OR2M3: variants seen among roughly 807,000 people sequenced by gnomAD.
OR2M3 encodes the protein olfactory receptor 2M3.
Under a neutral mutation model 4.3 loss-of-function variants are expected in OR2M3, and 1 was observed. The observed-to-expected ratio is 0.23, with a 90% CI of 0.08 to 1.11. The LOEUF (loss-of-function observed/expected upper bound fraction) is 1.11. Ranked by LOEUF, OR2M3 falls within the 50% of genes most tolerant of loss-of-function variation. OR2M3 has a pLI of 0.54. For synonymous variants in OR2M3, 151 were observed against 139.4 expected (o/e 1.08, Z -0.59); for missense variants, 410 against 390.4 (o/e 1.05, Z -0.42).
At position 248,203,465 on chromosome 1, in the gene OR2M3, C is replaced by G. The variant is rs1300655285; in HGVS notation, c.398C>G (p.Thr133Ser). 6.2e-7 allele frequency: 1 copy of G among 1,613,762 alleles called. No homozygotes were observed. Among genetic ancestry groups the G allele is most frequent in the African/African-American group, 1.3e-5 (1 of 74,868 alleles). Residue 133 changes from threonine to serine, a missense_variant, in exon 2 of 2, where the codon ACC (threonine) becomes AGC (serine). Transcript: ENST00000641626. ...YTAICHPLRY[T>S]NLMSPKICGL... The stretch of plus-strand genomic sequence containing the variant: ...GCCATTTGCCACCCTCTAAGATACA[C>G]CAATCTCATGAGCCCTAAAATTTGT...
rs569400268 is a variant in OR2M3 at position 248,204,652 on chromosome 1, C to A, written c.*646C>A. 6.7e-6 allele frequency: 1 copy of A among 150,178 alleles called. No individual in the cohort carries two copies. The highest frequency in any genetic ancestry group is 6.7e-5 in the Admixed American group (1 of 14,976). The allele number at this position is 150,178 out of a possible 1,614,324, so 9.3% of individuals were successfully genotyped here. On this transcript the variant is annotated 3_prime_UTR_variant, in exon 2 of 2. Coordinates refer to ENST00000641626, the MANE Select transcript of OR2M3 (RefSeq NM_001004689.2). ...ATATACGTATATATATACACACACA[C>A]ATATATATATATAACCTTTTCTTTA...
chr1:248,204,964 A>G lies in OR2M3; in HGVS notation c.*958A>G, dbSNP rs1666209584. ...AGCATCTATTATTGTTTGATTGATT[A>G]TGGCCATTCTTGCAGAAGTGAGGTG... On this transcript the variant is annotated 3_prime_UTR_variant, in exon 2 of 2. Transcript: ENST00000641626. The G allele has an allele frequency of 6.6e-6, 1 of 151,996 alleles. No individual in the cohort carries two copies. The highest frequency in any genetic ancestry group is 2.4e-5 in the African/African-American group (1 of 41,388). The allele number at this position is 151,996 out of a possible 1,614,324, so 9.4% of individuals were successfully genotyped here.
At chr1:248,202,993 T>C (rs1666174076) in intron 1 of OR2M3, 57 bp from the exon 2 acceptor site, 2 of 1,452,036 alleles carry the variant, frequency 1.4e-6, no homozygotes, top group Non-Finnish European at 1.9e-6. Flanking sequence ...AATCACATGA[T>C]TTATAAGGCA....
rs1666205636 is a variant in OR2M3 at position 248,204,646 on chromosome 1, C to G, written c.*640C>G. ...ATATATATATACGTATATATATACACACACACATATATATATATAACCTTT... is the reference window on the plus strand; with the variant it reads ...ATATATATATACGTATATATATACAGACACACATATATATATATAACCTTT... On this transcript the variant is annotated 3_prime_UTR_variant, in exon 2 of 2. Transcript: ENST00000641626. 6.6e-6 allele frequency: 1 copy of G among 151,086 alleles called. No individual in the cohort carries two copies. The highest frequency in any genetic ancestry group is 2.1e-4 in the South Asian group (1 of 4,816). 9.4% of individuals were successfully genotyped at this position (151,086 alleles called of 1,614,324 possible). A position where few individuals can be genotyped will look rare whatever the true frequency, so the allele number is the denominator to read the frequency against.
At position 248,203,043 on chromosome 1, in the gene OR2M3, G is replaced by C. The variant is rs1014890592; in HGVS notation, c.-18-7G>C. The stretch of plus-strand genomic sequence containing the variant: ...ACCAAATTAATACGCTGGTTTTGTG[G>C]TACTAGGTAAAAAGCATACACATCA... On this transcript the variant is annotated splice_polypyrimidine_tract_variant and splice_region_variant and intron_variant, in intron 1 of 1. Transcript: ENST00000641626. 6.3e-7 allele frequency: 1 copy of C among 1,589,660 alleles called. No individual in the cohort carries two copies. The highest frequency in any genetic ancestry group is 8.6e-7 in the Non-Finnish European group (1 of 1,167,418).
At position 248,209,307 on chromosome 1, in the gene OR2M3, T is replaced by C. The variant is rs982861914; in HGVS notation, c.*5301T>C. Reference sequence around the variant, plus strand: ...TTAGCTTAATAATTGGCAATACTTTTTCTGGCAATTCAGAGATTTCCTCTT... The same window carrying C: ...TTAGCTTAATAATTGGCAATACTTTCTCTGGCAATTCAGAGATTTCCTCTT... On this transcript the variant is annotated 3_prime_UTR_variant, in exon 2 of 2. Coordinates refer to ENST00000641626, the MANE Select transcript of OR2M3 (RefSeq NM_001004689.2). The C allele has an allele frequency of 6.6e-6, 1 of 152,216 alleles. No individual in the cohort carries two copies. Among genetic ancestry groups the C allele is most frequent in the Non-Finnish European group, 1.5e-5 (1 of 68,032 alleles). 9.4% of individuals were successfully genotyped at this position (152,216 alleles called of 1,614,324 possible). A position where few individuals can be genotyped will look rare whatever the true frequency, so the allele number is the denominator to read the frequency against.
At chr1:248,201,086 C>T (rs1666151911) in intron 1 of OR2M3, among the ~76,000 whole-genome samples, 1 of 152,136 alleles carries the variant, frequency 6.6e-6, no homozygotes, top group Non-Finnish European at 1.5e-5. Flanking sequence ...GATAATCTCC[C>T]TTCACATATT....
At position 248,211,530 on chromosome 1, in the gene OR2M3, T is replaced by A. The variant is rs1453023709; in HGVS notation, c.*7524T>A. ...TATATTTTTACATAATAGTAATTTT[T>A]TTTTTTTTTTAATTACAGAGTCTCG... On this transcript the variant is annotated 3_prime_UTR_variant, in exon 2 of 2. Transcript: ENST00000641626. 6.6e-6 allele frequency: 1 copy of A among 151,936 alleles called. No individual in the cohort carries two copies. The highest frequency in any genetic ancestry group is 1.5e-5 in the Non-Finnish European group (1 of 67,998). 9.4% of individuals were successfully genotyped at this position (151,936 alleles called of 1,614,324 possible).
chr1:248,200,410 A>G (rs1178932362), intron 1 of OR2M3, among the ~76,000 whole-genome samples: 1 of 152,064 alleles, frequency 6.6e-6, no homozygotes, highest in East Asian at 1.9e-4. Flanking sequence ...CCTCTTGAAG[A>G]CAACACAAGG....
Position 248,202,930 on chromosome 1 carries a change from G to A in OR2M3, c.-18-120G>A, listed in dbSNP as rs1456453991. 20 of 869,980 alleles carry A rather than the reference G, an allele frequency of 2.3e-5. No individual in the cohort carries two copies. The East Asian group carries it at 4.9e-4, about 21-fold the overall frequency. The allele number at this position is 869,980 out of a possible 1,614,324, so 53.9% of individuals were successfully genotyped here. ...AGATTCTATATTTCTTGACCTTTTAGTTTCCTACTTCTATTCATGCTGTAT... is the reference window on the plus strand; with the variant it reads ...AGATTCTATATTTCTTGACCTTTTAATTTCCTACTTCTATTCATGCTGTAT... On this transcript the variant is annotated intron_variant, in intron 1 of 1. Transcript: ENST00000641626.
At chr1:248,200,034 T>G (rs1465479167) in intron 1 of OR2M3, among the ~76,000 whole-genome samples, 1 of 152,118 alleles carries the variant, frequency 6.6e-6, no homozygotes, top group Non-Finnish European at 1.5e-5. Flanking sequence ...ACATTTTATG[T>G]CAATTTGGTG....
In OR2M3 at chr1:248,202,268, C is replaced by T. The variant is rs576141955; in HGVS notation, c.-18-782C>T. Reference sequence around the variant, plus strand: ...GCACCACTCTAATCCCTGCCTCCCCCATCACACGGTAATCCCCAGTGTCTC... The same window carrying T: ...GCACCACTCTAATCCCTGCCTCCCCTATCACACGGTAATCCCCAGTGTCTC... On this transcript the variant is annotated intron_variant, in intron 1 of 1. Transcript: ENST00000641626. 2.3e-3 allele frequency among the ~76,000 whole-genome samples: 280 copies of T among 119,754 alleles called. 1 individual carries two copies. Among genetic ancestry groups the T allele is most frequent in the African/African-American group, 7.6e-3 (271 of 35,730 alleles). The allele number at this position is 119,754 out of a possible 152,430, so 78.6% of individuals were successfully genotyped here. A position where few individuals can be genotyped will look rare whatever the true frequency, so the allele number is the denominator to read the frequency against.
rs1666290655 is a variant in OR2M3, at chr1:248,212,328, C to A, written c.*8322C>A. 1 of 151,888 alleles carries A rather than the reference C, an allele frequency of 6.6e-6. No individual in the cohort carries two copies. The highest frequency in any genetic ancestry group is 1.5e-5 in the Non-Finnish European group (1 of 67,910). The allele number at this position is 151,888 out of a possible 1,614,324, so 9.4% of individuals were successfully genotyped here. A position where few individuals can be genotyped will look rare whatever the true frequency, so the allele number is the denominator to read the frequency against. On this transcript the variant is annotated 3_prime_UTR_variant, in exon 2 of 2. Coordinates refer to ENST00000641626, the MANE Select transcript of OR2M3 (RefSeq NM_001004689.2). Reference sequence around the variant, plus strand: ...AGAAAGAAAGAAAATATTCAATAATCCTTATCTTTTTAACAATTAAGCAAA... The same window carrying A: ...AGAAAGAAAGAAAATATTCAATAATACTTATCTTTTTAACAATTAAGCAAA...
chr1:248,203,983 G>A lies in OR2M3; in HGVS notation c.916G>A (p.Gly306Arg). The change falls in exon 2 of 2, where the codon GGA becomes AGA. Residue 306 changes from glycine to arginine, a missense_variant. Transcript: ENST00000641626. ...EVTRAFMKIL[G>R]KGKSGE ...GACCAGAGCATTCATGAAGATCTTA[G>A]GAAAGGGCAAGTCTGGAGAGTGAGT... The A allele has an allele frequency of 6.2e-7, 1 of 1,613,812 alleles. No individual in the cohort carries two copies. The highest frequency in any genetic ancestry group is 8.5e-7 in the Non-Finnish European group (1 of 1,179,870).
intron 1 of OR2M3, among the ~76,000 whole-genome samples, chr1:248,198,366 C>T (rs980632685): frequency 2.6e-5 from 4 of 152,130 alleles, no homozygotes; most frequent in African/African-American, 9.7e-5. Context: ...TTGTGAGACT[C>T]ATCAATGCTA....
chr1:248,206,103 G>T lies in OR2M3; in HGVS notation c.*2097G>T, dbSNP rs1425307456. On this transcript the variant is annotated 3_prime_UTR_variant, in exon 2 of 2. Coordinates refer to ENST00000641626, the MANE Select transcript of OR2M3 (RefSeq NM_001004689.2). ...TGAGTTCTTGATTTGATTCTCAGCT[G>T]GTTGCCATTAGTATATAGCAGAGCT... 6.6e-6 allele frequency: 1 copy of T among 151,840 alleles called. No individual in the cohort carries two copies. Among genetic ancestry groups the T allele is most frequent in the Non-Finnish European group, 1.5e-5 (1 of 67,892 alleles). The allele number at this position is 151,840 out of a possible 1,614,324, so 9.4% of individuals were successfully genotyped here. A position where few individuals can be genotyped will look rare whatever the true frequency, so the allele number is the denominator to read the frequency against.
At chr1:248,201,802 G>C (rs1044584285) in intron 1 of OR2M3, among the ~76,000 whole-genome samples, 2 of 152,034 alleles carry the variant, frequency 1.3e-5, no homozygotes, top group Non-Finnish European at 2.9e-5. Flanking sequence ...TGCATAGAAT[G>C]ATGAGGCTGC....
At position 248,209,205 on chromosome 1, in the gene OR2M3, G is replaced by T. The variant is rs1009344147; in HGVS notation, c.*5199G>T. Reference sequence around the variant, plus strand: ...TATTTATGCTGTTTATTTCACTGAAGAATTTTTCTTTTATTTTCTGTATCA... The same window carrying T: ...TATTTATGCTGTTTATTTCACTGAATAATTTTTCTTTTATTTTCTGTATCA... On this transcript the variant is annotated 3_prime_UTR_variant, in exon 2 of 2. Transcript: ENST00000641626. The T allele has an allele frequency of 3.3e-5, 5 of 152,030 alleles. No individual in the cohort carries two copies. Among genetic ancestry groups the T allele is most frequent in the Admixed American group, 3.3e-4 (5 of 15,262 alleles). 9.4% of individuals were successfully genotyped at this position (152,030 alleles called of 1,614,324 possible). A position where few individuals can be genotyped will look rare whatever the true frequency, so the allele number is the denominator to read the frequency against.
intron 1 of OR2M3, among the ~76,000 whole-genome samples, chr1:248,201,687 C>T (rs964404415): frequency 6.7e-6 from 1 of 148,170 alleles, no homozygotes; most frequent in East Asian, 2.1e-4. Flanking sequence ...TGAGTGAGAA[C>T]ATGCGGTGTT....
Sources: gnomAD v4.1 joint callset for allele counts (sites outside exome capture counted in the v4.1 genomes callset) on GRCh38, gnomAD v4.1.1 for gene constraint, MANE v1.5 for transcripts, NCBI Gene and HGNC (gene_info 2026-07-23, HGNC 2026-07-21) for gene names.